The following COL12A1 variants were observed in gnomAD, a reference collection of about 807,000 sequenced individuals.
COL12A1 encodes collagen alpha-1(XII) chain.
In COL12A1, 114 loss-of-function variants were observed where a neutral mutation model predicts 349.7. The observed-to-expected ratio is 0.33, with a 90% CI of 0.28 to 0.38. The LOEUF (loss-of-function observed/expected upper bound fraction) is 0.38, where lower values mean the gene tolerates loss of function less well. COL12A1 is among the 10% of genes least tolerant of loss of function. The pLI is 1.00. For missense variants in COL12A1, 3,284 were observed against 3,756.9 expected, an observed-to-expected ratio of 0.87 and a Z score of 3.29; for synonymous variants, 1,369 against 1,329.0, an observed-to-expected ratio of 1.03 and a Z score of -0.66.
At chr6:75,095,202 G>A (rs780885077) in intron 59 of COL12A1, 23 bp from the exon 60 acceptor site, 4 of 1,590,738 alleles carry the variant, frequency 2.5e-6, no homozygotes, top group African/African-American at 1.3e-5. Flanking sequence ...GAAAGGGAAG[G>A]GGACTGTTAT....
At chr6:75,120,635 C>T (rs886384459) in intron 44 of COL12A1, among the ~76,000 whole-genome samples, 2 of 152,110 alleles carry the variant, frequency 1.3e-5, no homozygotes, top group African/African-American at 4.8e-5. Context: ...GTAAAGCCAT[C>T]ATGGAACCTC....
Position 75,095,124 on chromosome 6 carries a change from C to T in COL12A1, c.8633G>A (p.Gly2878Glu). 6.2e-7 allele frequency: 1 copy of T among 1,614,132 alleles called. No individual in the cohort carries two copies. Among genetic ancestry groups the T allele is most frequent in the Non-Finnish European group, 8.5e-7 (1 of 1,179,992 alleles). The change falls in exon 60 of 66, where the codon GGA (glycine) becomes GAA (glutamate). Residue 2878 changes from glycine to glutamate, a missense_variant. By Grantham distance (98) the Gly-to-Glu change is moderately conservative. Coordinates refer to ENST00000322507, the MANE Select transcript of COL12A1 (RefSeq NM_004370.6). ...TCCGCTTACTGGTCTGCCATGATCT[C>T]CAGGTTTTCCTGGCTTCCCACTTGG... Reference protein sequence around the residue: ...TGPSGKPGKPGDHGRPGPSGL... With the variant: ...TGPSGKPGKPEDHGRPGPSGL...
At chr6:75,125,895 A>G (rs1007942825) in intron 39 of COL12A1, among the ~76,000 whole-genome samples, 1 of 152,156 alleles carries the variant, frequency 6.6e-6, no homozygotes, top group Non-Finnish European at 1.5e-5. Flanking sequence ...AAAATAACAA[A>G]TAATTTAATC....
intron 62 of COL12A1, 34 bp downstream of exon 62, chr6:75,091,289 A>G: frequency 6.4e-7 from 1 of 1,572,468 alleles, no homozygotes; most frequent in Non-Finnish European, 8.7e-7. Context: ...TAATTTTAAA[A>G]CAATTCATAC....
rs781463654 is a variant in COL12A1, at chr6:75,143,283, C to T, written c.4796G>A (p.Arg1599Gln). The T allele has an allele frequency of 9.9e-6, 16 of 1,613,818 alleles. No homozygotes were observed. The highest frequency in any genetic ancestry group is 2.2e-5 in the South Asian group (2 of 91,050). Residue 1599 changes from arginine to glutamine, a missense_variant, in exon 26 of 66, where the codon CGA (arginine) becomes CAA (glutamine). This residue lies in a region of COL12A1 where 2,601 missense variants were observed against 2,824.8 expected (regional missense o/e 0.92). Transcript: ENST00000322507. ...GACATCCTCTTCTGGTGTTTTGTAT[C>T]GAACAATATATTTACGCACTTTTCC... ...VPGKVRKYIV[R>Q]YKTPEEDVKE...
intron 49 of COL12A1, 65 bp from the exon 50 acceptor site, chr6:75,113,809 T>C (rs978813432): frequency 1.6e-6 from 2 of 1,270,624 alleles, no homozygotes; most frequent in East Asian, 2.4e-5. Context: ...GAAAGAAAGA[T>C]TGATTGCTTT....
intron 65 of COL12A1, 111 bp downstream of exon 65, chr6:75,087,466 G>T: frequency 9.8e-7 from 1 of 1,020,094 alleles, no homozygotes; most frequent in Non-Finnish European, 1.5e-6. Context: ...TGAAAGAGTT[G>T]TTATCTTCAA....
rs1767760621 is a variant in COL12A1 at position 75,156,350 on chromosome 6, T to C, written c.3157A>G (p.Lys1053Glu). Reference protein sequence around the residue: ...VPPTVTSTVLKRLQPQTTYDI... With the variant: ...VPPTVTSTVLERLQPQTTYDI... ...TATGTGGTCTGTGGCTGAAGTCGCT[T>C]TAACACTGTCGAAGTGACTGTGGGG... The change falls in exon 15 of 66, where the codon AAG becomes GAG. Residue 1053 changes from lysine to glutamate, a missense_variant. By Grantham distance (56) the Lys-to-Glu change is moderately conservative. Coordinates refer to ENST00000322507, the MANE Select transcript of COL12A1 (RefSeq NM_004370.6). 1.9e-6 allele frequency: 3 copies of C among 1,613,852 alleles called. No individual in the cohort carries two copies. In the South Asian group the frequency reaches 3.3e-5, roughly 18 times the overall value.
At position 75,102,005 on chromosome 6, in the gene COL12A1, G is replaced by T. The variant is rs908245329; in HGVS notation, c.8463C>A (p.Gly2821=). 9 of 1,614,098 alleles carry T rather than the reference G, an allele frequency of 5.6e-6. No homozygotes were observed. Among genetic ancestry groups the T allele is most frequent in the Non-Finnish European group, 5.9e-6 (7 of 1,180,004 alleles). Residue 2821 remains glycine, a synonymous_variant, in exon 57 of 66, where the codon GGC becomes GGA. Transcript: ENST00000322507. ...KGDAGEPGLP[G]RTGTPGLPGP... The stretch of plus-strand genomic sequence containing the variant: ...AACTTAGAGACCAACTCACTGTTCG[G>T]CCTGGAAGTCCTGGCTCTCCAGCAT...
intron 12 of COL12A1, among the ~76,000 whole-genome samples, chr6:75,176,090 T>C (rs1768927243): frequency 6.6e-6 from 1 of 152,020 alleles, no homozygotes; most frequent in Non-Finnish European, 1.5e-5. Flanking sequence ...AGAAAACCAA[T>C]GAAGTAGTCA....
chr6:75,129,890 G>A (rs908865641), intron 37 of COL12A1, among the ~76,000 whole-genome samples: 10 of 152,132 alleles, frequency 6.6e-5, no homozygotes, highest in Non-Finnish European at 2.9e-5. Context: ...TGAGCCCAAA[G>A]ACATTGCTTC....
rs1043747458 is a variant in COL12A1 at position 75,085,019 on chromosome 6, T to C, written c.*1528A>G. The C allele has an allele frequency of 6.3e-6, 2 of 315,872 alleles. No homozygotes were observed. The highest frequency in any genetic ancestry group is 1.3e-5 in the Non-Finnish European group (2 of 155,652). The allele number at this position is 315,872 out of a possible 1,614,324, so 19.6% of individuals were successfully genotyped here. ...CAAAAATGTCTACAGACTGCGTGCT[T>C]GGAGCTAGGCTTCCTGCAGAAACAA... is the stretch of plus-strand genomic sequence containing the variant. On this transcript the variant is annotated 3_prime_UTR_variant, in exon 66 of 66. Transcript: ENST00000322507.
chr6:75,136,080 CA>C (rs1391179986), intron 31 of COL12A1, among the ~76,000 whole-genome samples: 2 of 152,098 alleles, frequency 1.3e-5, no homozygotes, highest in African/African-American at 2.4e-5. Context: ...TTTATGATAG[CA>C]AACAGCTGAA....
intron 60 of COL12A1, among the ~76,000 whole-genome samples, chr6:75,092,297 A>T (rs752245563): frequency 1.4e-4 from 21 of 152,282 alleles, no homozygotes; most frequent in Non-Finnish European, 1.6e-4. Context: ...ATACCTATGT[A>T]ACAAACCTGC....
chr6:75,138,959 G>T lies in COL12A1; in HGVS notation c.4960C>A (p.Pro1654Thr). ...TTTAAGTTTGTTGGGGCTGGCACGGGTCCTATCATGAGAAAAGGCAAGCAG... is the reference window on the plus strand; with the variant it reads ...TTTAAGTTTGTTGGGGCTGGCACGGTTCCTATCATGAGAAAAGGCAAGCAG... ...PPVTAQETTRPVPAPTNLKIT... is the reference protein window; with the variant it reads ...PPVTAQETTRTVPAPTNLKIT... The change falls in exon 28 of 66, where the codon CCC becomes ACC. Residue 1654 changes from proline to threonine, a missense_variant and splice_region_variant. Physicochemically the swap from Pro to Thr is conservative, Grantham distance 38. Coordinates refer to ENST00000322507, the MANE Select transcript of COL12A1 (RefSeq NM_004370.6). 6.2e-7 allele frequency: 1 copy of T among 1,613,482 alleles called. No homozygotes were observed. The highest frequency in any genetic ancestry group is 1.1e-5 in the South Asian group (1 of 90,894).
intron 30 of COL12A1, 107 bp from the exon 31 acceptor site, chr6:75,137,686 T>TA: frequency 8.3e-7 from 1 of 1,211,560 alleles, no homozygotes; most frequent in Non-Finnish European, 1.2e-6. Flanking sequence ...TCTGGGTTTA[T>TA]AATTAAATTC....
chr6:75,189,476 AAT>A, intron 6 of COL12A1, 74 bp downstream of exon 6: 1 of 1,577,624 alleles, frequency 6.3e-7, no homozygotes. Context: ...TTTAATATGT[AAT>A]AGGCAATGCA....
intron 60 of COL12A1, among the ~76,000 whole-genome samples, chr6:75,093,727 T>C (rs1028769879): frequency 4.6e-5 from 7 of 152,188 alleles, no homozygotes; most frequent in Non-Finnish European, 4.4e-5. Flanking sequence ...TTGAGATTGT[T>C]CTGATTTTTT....
At chr6:75,203,294 T>C (rs897951564) in intron 1 of COL12A1, among the ~76,000 whole-genome samples, 2 of 152,242 alleles carry the variant, frequency 1.3e-5, no homozygotes, top group African/African-American at 4.8e-5. Flanking sequence ...TTTTTAATTC[T>C]CTTTTTTCTT....
Sources: gnomAD v4.1 joint callset for allele counts (sites outside exome capture counted in the v4.1 genomes callset) on GRCh38, gnomAD v4.1.1 for gene constraint, gnomAD v4.1.1 regional missense constraint, MANE v1.5 for transcripts, NCBI Gene and HGNC (gene_info 2026-07-23, HGNC 2026-07-21) for gene names.